The following PPIP5K2 variants were observed in gnomAD, a reference collection of about 807,000 sequenced individuals.
The protein encoded by PPIP5K2 is diphosphoinositol pentakisphosphate kinase 2, also known as inositol hexakisphosphate and diphosphoinositol-pentakisphosphate kinase 2.
In PPIP5K2, 105 loss-of-function variants were observed where a neutral mutation model predicts 154.6. The ratio of observed to expected loss-of-function variants is 0.68; its 90% CI spans 0.58 to 0.80. The LOEUF (loss-of-function observed/expected upper bound fraction) is 0.80. Ranked by LOEUF, PPIP5K2 falls within the 30% of genes least tolerant of loss-of-function variation. The probability of loss-of-function intolerance (pLI) is 0.00; values close to 1 mark genes in which losing one functional copy is unlikely to be tolerated. For synonymous variants in PPIP5K2, 480 were observed against 490.3 expected (o/e 0.98, Z 0.28); for missense variants, 992 against 1,504.6 (o/e 0.66, Z 5.64).
chr5:103,154,869 G>A lies in PPIP5K2; in HGVS notation c.1329G>A (p.Glu443=). 1.2e-6 allele frequency: 2 copies of A among 1,605,388 alleles called. No homozygotes were observed. Among genetic ancestry groups the A allele is most frequent in the South Asian group, 1.1e-5 (1 of 89,194 alleles). The stretch of plus-strand genomic sequence containing the variant: ...ATATTGCACGACAGCTTCTTATGGA[G>A]CTAGGGCAAAATAATGATTCTGAAA... ...VLDIARQLLM[E]LGQNNDSEIE... Residue 443 remains glutamate (E), a synonymous_variant, in exon 13 of 31, where the codon GAG becomes GAA. Transcript: ENST00000358359.
chr5:103,122,774 T>G (rs989088530), intron 1 of PPIP5K2, among the ~76,000 whole-genome samples: 1 of 152,198 alleles, frequency 6.6e-6, no homozygotes, highest in Non-Finnish European at 1.5e-5. Context: ...TAGTTTATAG[T>G]TGGGCTCCTG....
intron 4 of PPIP5K2, among the ~76,000 whole-genome samples, 156 bp from the exon 5 acceptor site, chr5:103,138,228 C>T (rs112059580): frequency 3.4e-4 from 52 of 151,888 alleles, no homozygotes; most frequent in African/African-American, 3.9e-4. Flanking sequence ...TTTGAATATT[C>T]GAAGTGACAT....
intron 30 of PPIP5K2, among the ~76,000 whole-genome samples, chr5:103,195,395 G>A (rs1554228210): frequency 6.6e-6 from 1 of 151,968 alleles, no homozygotes; most frequent in East Asian, 1.9e-4. Flanking sequence ...GGAGGTATGA[G>A]GATTACCTGA....
At chr5:103,195,691 T>A (rs1340711296) in intron 30 of PPIP5K2, among the ~76,000 whole-genome samples, 8 of 152,204 alleles carry the variant, frequency 5.3e-5, no homozygotes, top group Admixed American at 2.0e-4. Context: ...TCATCCTTCT[T>A]CTTTCTACAT....
rs1454313592 is a variant in PPIP5K2, at chr5:103,207,276, G to GC, written c.*5643dup. On this transcript the variant is annotated 3_prime_UTR_variant, in exon 31 of 31. Coordinates refer to ENST00000358359, the MANE Select transcript of PPIP5K2 (RefSeq NM_001276277.3). Reference sequence around the variant, plus strand: ...TATCTCCTCACCCTAAATGCCAGCAGCATCGCCTCCAAACTGTGGCAGTCA... The same window carrying GC: ...TATCTCCTCACCCTAAATGCCAGCAGCCATCGCCTCCAAACTGTGGCAGTCA... 1 of 152,212 alleles carries GC rather than the reference G, an allele frequency of 6.6e-6. No homozygotes were observed. The highest frequency in any genetic ancestry group is 2.4e-5 in the African/African-American group (1 of 41,440). The allele number at this position is 152,212 out of a possible 1,614,324, so 9.4% of individuals were successfully genotyped here. A position where few individuals can be genotyped will look rare whatever the true frequency, so the allele number is the denominator to read the frequency against.
intron 4 of PPIP5K2, among the ~76,000 whole-genome samples, chr5:103,137,176 T>C (rs1791650939): frequency 6.6e-6 from 1 of 151,756 alleles, no homozygotes; most frequent in Admixed American, 6.6e-5. Context: ...TTTTTTTTTT[T>C]TTTTGAGATG....
At chr5:103,190,564 T>G (rs940210500) in intron 28 of PPIP5K2, among the ~76,000 whole-genome samples, 2 of 151,866 alleles carry the variant, frequency 1.3e-5, no homozygotes, top group Admixed American at 1.3e-4. Context: ...TTTCCCTAGG[T>G]TTTTTAAAGT....
chr5:103,124,919 TG>T (rs1789399791), intron 1 of PPIP5K2, among the ~76,000 whole-genome samples: 2 of 152,220 alleles, frequency 1.3e-5, no homozygotes, highest in African/African-American at 2.4e-5. Flanking sequence ...ATTTATGTTG[TG>T]GAGGGATATA....
intron 29 of PPIP5K2, 149 bp from the exon 30 acceptor site, chr5:103,194,751 A>G (rs1554227905): frequency 1.3e-6 from 1 of 753,470 alleles, no homozygotes; most frequent in Non-Finnish European, 2.1e-6. Flanking sequence ...TTTATTAAAA[A>G]AAGGTGATTT....
chr5:103,173,753 T>A (rs1580342960), intron 20 of PPIP5K2, 105 bp from the exon 21 acceptor site: 1 of 786,548 alleles, frequency 1.3e-6, no homozygotes, highest in Non-Finnish European at 2.1e-6. Context: ...TTTTGTGGTC[T>A]TTTACTTCTA....
chr5:103,174,354 C>T (rs1798397224), intron 21 of PPIP5K2, among the ~76,000 whole-genome samples: 1 of 151,968 alleles, frequency 6.6e-6, no homozygotes, highest in Non-Finnish European at 1.5e-5. Flanking sequence ...TAATGACATA[C>T]CAAGACTTAG....
chr5:103,162,350 C>CTTTTTTT (rs200973581), intron 17 of PPIP5K2, among the ~76,000 whole-genome samples: 10 of 138,544 alleles, frequency 7.2e-5, no homozygotes, highest in East Asian at 2.1e-4. Flanking sequence ...GATGTGTTTT[C>CTTTTTTT]TTTTTTTTTT....
chr5:103,185,332 T>G (rs145179585), intron 26 of PPIP5K2, among the ~76,000 whole-genome samples: 18 of 152,230 alleles, frequency 1.2e-4, no homozygotes, highest in Non-Finnish European at 2.2e-4. Flanking sequence ...TGATAAACTA[T>G]GAAATAGTGG....
In PPIP5K2 at chr5:103,143,670, A is replaced by C. The variant is rs548457347; in HGVS notation, c.488-2857A>C. ...TAAATGGATTAAAAAATAAGATCCAACTCTATACTCTCTACATATGATCAT... is the reference window on the plus strand; with the variant it reads ...TAAATGGATTAAAAAATAAGATCCACCTCTATACTCTCTACATATGATCAT... On this transcript the variant is annotated intron_variant, in intron 5 of 30. Transcript: ENST00000358359. Among the ~76,000 whole-genome samples the C allele has an allele frequency of 6.6e-5, 10 of 152,290 alleles. No homozygotes were observed. The East Asian group carries it at 1.9e-3, about 29-fold the overall frequency.
intron 7 of PPIP5K2, 78 bp downstream of exon 7, chr5:103,148,110 C>A (rs565409132): frequency 3.1e-6 from 3 of 978,666 alleles, no homozygotes; most frequent in African/African-American, 3.3e-5. Context: ...TAATCTTTAG[C>A]TATATCTAAC....
intron 6 of PPIP5K2, 32 bp from the exon 7 acceptor site, chr5:103,147,899 T>A (rs1554209731): frequency 1.4e-6 from 2 of 1,408,652 alleles, no homozygotes; most frequent in Non-Finnish European, 9.8e-7. Context: ...ATAATTTGCT[T>A]TTTTATATCG....
At chr5:103,139,693 G>A (rs1792223940) in intron 5 of PPIP5K2, among the ~76,000 whole-genome samples, 1 of 152,178 alleles carries the variant, frequency 6.6e-6, no homozygotes, top group Admixed American at 6.5e-5. Flanking sequence ...TAAGGTACCA[G>A]TTACCAATCC....
chr5:103,167,952 C>A (rs1383146525), intron 18 of PPIP5K2, 120 bp from the exon 19 acceptor site: 3 of 625,466 alleles, frequency 4.8e-6, no homozygotes, highest in Non-Finnish European at 5.3e-6. Flanking sequence ...TAAAGTAACT[C>A]TCTAACTTCA....
intron 27 of PPIP5K2, 90 bp from the exon 28 acceptor site, chr5:103,187,224 C>G: frequency 1.1e-6 from 1 of 895,882 alleles, no homozygotes; most frequent in Admixed American, 2.4e-5. Context: ...CCTTTCTAAC[C>G]TCCTCATATA....
Sources: gnomAD v4.1 joint callset for allele counts (sites outside exome capture counted in the v4.1 genomes callset) on GRCh38, gnomAD v4.1.1 for gene constraint, MANE v1.5 for transcripts, NCBI Gene and HGNC (gene_info 2026-07-23, HGNC 2026-07-21) for gene names.